Variants in ARAP2 observed in about 807,000 individuals in gnomAD.
ARAP2 encodes arf-GAP with Rho-GAP domain, ANK repeat and PH domain-containing protein 2.
A neutral mutation model predicts 194.5 loss-of-function variants in ARAP2; 148 were observed. The observed-to-expected ratio is 0.76, with a 90% CI of 0.67 to 0.87. The LOEUF is 0.87. Among genes scored for constraint, ARAP2 ranks in the 40% least tolerant of loss-of-function variants. The probability of loss-of-function intolerance (pLI) is 0.00; values close to 1 mark genes in which losing one functional copy is unlikely to be tolerated. For missense variants in ARAP2, 2,128 were observed against 1,989.7 expected (o/e 1.07, Z -1.32); for synonymous variants, 695 against 683.5 (o/e 1.02, Z -0.26).
intron 1 of ARAP2, among the ~76,000 whole-genome samples, chr4:36,240,625 C>T (rs554975743): frequency 1.2e-4 from 18 of 152,162 alleles, no homozygotes; most frequent in South Asian, 8.3e-4. Flanking sequence ...ATGAAATGAG[C>T]GCATATGCAT....
At chr4:36,191,119 C>T in intron 7 of ARAP2, among the ~76,000 whole-genome samples, 1 of 152,288 alleles carries the variant, frequency 6.6e-6, no homozygotes, top group Admixed American at 6.5e-5. Flanking sequence ...TGCCTAAAAA[C>T]ATTTACAGTT....
At chr4:36,186,383 T>C (rs1740577966) in intron 8 of ARAP2, among the ~76,000 whole-genome samples, 1 of 152,158 alleles carries the variant, frequency 6.6e-6, no homozygotes, top group African/African-American at 2.4e-5. Flanking sequence ...CCAGAAAACA[T>C]GTGCCATCTT....
downstream of ARAP2, among the ~76,000 whole-genome samples, chr4:36,064,254 GT>G (rs1725007052): frequency 6.8e-6 from 1 of 147,082 alleles, no homozygotes; most frequent in Non-Finnish European, 1.5e-5. Context: ...GCAAGCCTGA[GT>G]CCCAACCTCA....
At chr4:36,064,290 T>C (rs570055825), downstream of ARAP2, among the ~76,000 whole-genome samples, 22 of 152,044 alleles carry the variant, frequency 1.4e-4, no homozygotes, top group Middle Eastern at 3.4e-3. Context: ...GTGGAGGAAT[T>C]CTCCTCCTTA....
At chr4:36,165,451 T>A (rs1429814348) in intron 10 of ARAP2, among the ~76,000 whole-genome samples, 2 of 152,158 alleles carry the variant, frequency 1.3e-5, no homozygotes, top group African/African-American at 4.8e-5. Flanking sequence ...ATAAGAGGTT[T>A]TTGGCAGAGT....
At chr4:36,111,992 G>A (rs544405472) in intron 26 of ARAP2, among the ~76,000 whole-genome samples, 8 of 152,050 alleles carry the variant, frequency 5.3e-5, no homozygotes, top group South Asian at 2.1e-4. Context: ...AAATAGAAGC[G>A]TGTAGGAGAC....
intron 5 of ARAP2, among the ~76,000 whole-genome samples, chr4:36,038,437 T>C (rs1204529418): frequency 6.6e-6 from 1 of 152,184 alleles, no homozygotes; most frequent in African/African-American, 2.4e-5. Flanking sequence ...ATAGCACCTA[T>C]ATTTCTGGAG....
At chr4:36,134,449 T>C (rs902648417) in intron 19 of ARAP2, among the ~76,000 whole-genome samples, 4 of 151,636 alleles carry the variant, frequency 2.6e-5, no homozygotes, top group Non-Finnish European at 5.9e-5. Flanking sequence ...TCTCCTCTCC[T>C]TTCCAAGACT....
rs1370453697 is a variant in ARAP2, at chr4:36,068,128, T to A, written c.4894A>T (p.Ser1632Cys). The A allele has an allele frequency of 6.2e-7, 1 of 1,614,154 alleles. No homozygotes were observed. Among genetic ancestry groups the A allele is most frequent in the Non-Finnish European group, 8.5e-7 (1 of 1,180,000 alleles). ...KLRNRPRKHRSFNCLEDTEPE... is the reference protein window; with the variant it reads ...KLRNRPRKHRCFNCLEDTEPE... ...TCTGTGTCCTCCAGGCAGTTGAAACTCCGATGTTTTCGGGGTCGATTTCGA... is the reference window on the plus strand; with the variant it reads ...TCTGTGTCCTCCAGGCAGTTGAAACACCGATGTTTTCGGGGTCGATTTCGA... Residue 1632 changes from serine (S) to cysteine (C), a missense_variant, in exon 33 of 33, where the codon AGT becomes TGT. Transcript: ENST00000303965.
In ARAP2 at chr4:36,158,612, A is replaced by C. The variant is rs947633768; in HGVS notation, c.2752+118T>G. Reference sequence around the variant, plus strand: ...TAGAAGCATTTATAAATCCTCAAAAATATCTCTACTTGGAGATCAAATCTA... The same window carrying C: ...TAGAAGCATTTATAAATCCTCAAAACTATCTCTACTTGGAGATCAAATCTA... On this transcript the variant is annotated intron_variant, in intron 15 of 32. Transcript: ENST00000303965. The C allele has an allele frequency of 4.6e-6, 4 of 860,658 alleles. No homozygotes were observed. In the African/African-American group the frequency reaches 5.3e-5, roughly 11 times the overall value. The allele number at this position is 860,658 out of a possible 1,614,324, so 53.3% of individuals were successfully genotyped here.
At chr4:36,010,883 C>T (rs1714383096) in intron 9 of ARAP2, among the ~76,000 whole-genome samples, 1 of 152,026 alleles carries the variant, frequency 6.6e-6, no homozygotes, top group South Asian at 2.1e-4. Context: ...TATCTTGGTG[C>T]CTTGTGTCAA....
intron 27 of ARAP2, among the ~76,000 whole-genome samples, chr4:36,102,197 G>A (rs997804481): frequency 2.6e-5 from 4 of 151,902 alleles, no homozygotes; most frequent in Admixed American, 6.6e-5. Context: ...TCAAACACAC[G>A]TCAGACTCTT....
At chr4:36,205,440 T>C (rs1037144993) in intron 6 of ARAP2, among the ~76,000 whole-genome samples, 1 of 152,158 alleles carries the variant, frequency 6.6e-6, no homozygotes, top group Non-Finnish European at 1.5e-5. Flanking sequence ...ATGTACTACT[T>C]TCTGACATTT....
intron 5 of ARAP2, among the ~76,000 whole-genome samples, chr4:36,036,416 T>A (rs555796843): frequency 6.6e-6 from 1 of 151,906 alleles, no homozygotes; most frequent in East Asian, 1.9e-4. Context: ...TGTGTTAGTT[T>A]TTGATGTTGT....
At chr4:36,171,883 G>C (rs962006874) in intron 9 of ARAP2, among the ~76,000 whole-genome samples, 1 of 151,988 alleles carries the variant, frequency 6.6e-6, no homozygotes, top group African/African-American at 2.4e-5. Flanking sequence ...AATGTGAATG[G>C]TAAATGTTCA....
At chr4:36,039,574 C>A (rs558560567) in intron 5 of ARAP2, among the ~76,000 whole-genome samples, 1 of 152,192 alleles carries the variant, frequency 6.6e-6, no homozygotes, top group South Asian at 2.1e-4. Flanking sequence ...GCCTGAAAAT[C>A]CTGCTCATAT....
chr4:36,018,307 G>T (rs1409246207), intron 6 of ARAP2, among the ~76,000 whole-genome samples: 2 of 152,072 alleles, frequency 1.3e-5, no homozygotes, highest in Non-Finnish European at 2.9e-5. Context: ...TATTCTATGA[G>T]AAATTGTCAA....
intron 5 of ARAP2, among the ~76,000 whole-genome samples, chr4:36,024,076 T>G (rs1271130697): frequency 6.6e-6 from 1 of 152,182 alleles, no homozygotes; most frequent in Non-Finnish European, 1.5e-5. Flanking sequence ...CTTGGATACC[T>G]GCATAGTAAC....
rs1215530212 is a variant in ARAP2, at chr4:36,147,553, T to G, written c.3194A>C (p.Glu1065Ala). The G allele has an allele frequency of 6.2e-6, 10 of 1,609,016 alleles. No homozygotes were observed. The highest frequency in any genetic ancestry group is 8.5e-6 in the Non-Finnish European group (10 of 1,178,498). Residue 1065 changes from glutamate (E) to alanine (A), a missense_variant, in exon 18 of 33, where the codon GAG (glutamate) becomes GCG (alanine). By Grantham distance (107) the Glu-to-Ala change is moderately radical (BLOSUM62 -1). Coordinates refer to ENST00000303965, the MANE Select transcript of ARAP2 (RefSeq NM_015230.4). ...GDRMHLRRLQ[E>A]LTISTMVQNG... ...GGGAAGAAAAAAGCTCTTACTTAGC[T>G]CTTGCAGTCTTCTTAAGTGCATTCT...
Sources: allele counts gnomAD v4.1 joint callset (sites outside exome capture counted in the v4.1 genomes callset), GRCh38; gene constraint gnomAD v4.1.1; transcripts MANE v1.5; gene names NCBI Gene and HGNC (gene_info 2026-07-23, HGNC 2026-07-21).